Variants in FILIP1L observed in about 807,000 individuals in gnomAD.
FILIP1L encodes filamin A interacting protein 1 like, also known as filamin A-interacting protein 1-like.
FILIP1L carries 55 observed loss-of-function variants against 96.6 expected under a neutral mutation model. The ratio of observed to expected loss-of-function variants is 0.57; its 90% CI spans 0.46 to 0.71. FILIP1L has a LOEUF of 0.71. Ranked by LOEUF, FILIP1L falls within the 30% of genes least tolerant of loss-of-function variation. FILIP1L has a pLI of 0.00. For synonymous variants in FILIP1L, 467 were observed against 473.9 expected, an observed-to-expected ratio of 0.99 and a Z score of 0.19; for missense variants, 1,304 against 1,321.2, an observed-to-expected ratio of 0.99 and a Z score of 0.20.
At position 100,077,117 on chromosome 3, in the gene FILIP1L, C is replaced by T. The variant is rs551771330; in HGVS notation, c.-11+36936G>A. Among the ~76,000 whole-genome samples the T allele has an allele frequency of 2.6e-5, 4 of 152,280 alleles. No homozygotes were observed. The East Asian group carries it at 7.7e-4, about 29-fold the overall frequency. ...ACAGACAGCTGTGTTTTGCATTTAG[C>T]GTCCTTTGAAAGAAGAGTGGATGCT... is the stretch of plus-strand genomic sequence containing the variant. On this transcript the variant is annotated intron_variant, in intron 1 of 5. Transcript: ENST00000477258.
intron 1 of FILIP1L, among the ~76,000 whole-genome samples, chr3:99,952,386 G>A (rs1708203411): frequency 6.6e-6 from 1 of 152,104 alleles, no homozygotes; most frequent in South Asian, 2.1e-4. Context: ...CAGTCATTAT[G>A]TCTGTTCAAG....
chr3:100,018,614 A>G (rs979514646), intron 1 of FILIP1L, among the ~76,000 whole-genome samples: 1 of 151,866 alleles, frequency 6.6e-6, no homozygotes. Flanking sequence ...GTAGAAAACA[A>G]AAAAAAATGC....
At position 100,021,960 on chromosome 3, in the gene FILIP1L, T is replaced by TGTGA. The variant is rs1321185364; in HGVS notation, c.-10-90931_-10-90930insTCAC. Among the ~76,000 whole-genome samples the TGTGA allele has an allele frequency of 3.5e-3, 329 of 93,284 alleles. 1 individual carries two copies. The highest frequency in any genetic ancestry group is 0.011 in the African/African-American group (282 of 24,828). 61.2% of individuals were successfully genotyped at this position (93,284 alleles called of 152,430 possible). A position where few individuals can be genotyped will look rare whatever the true frequency, so the allele number is the denominator to read the frequency against. On this transcript the variant is annotated intron_variant, in intron 1 of 5. Coordinates refer to ENST00000477258, the MANE Select transcript of FILIP1L (RefSeq NM_001387850.1). ...GTGTGTGTGTGTGTGTGTGTGTGTG[T>TGTGA]GAGAGAGAGAGAGAGAGAGAGAGAG...
intron 5 of FILIP1L, among the ~76,000 whole-genome samples, chr3:99,839,619 A>G (rs1301504213): frequency 1.3e-5 from 2 of 152,200 alleles, no homozygotes; most frequent in African/African-American, 2.4e-5. Flanking sequence ...CCAAGGGCAC[A>G]TGAAAAATGG....
At chr3:100,066,742 G>A (rs1245560469) in intron 1 of FILIP1L, among the ~76,000 whole-genome samples, 3 of 94,922 alleles carry the variant, frequency 3.2e-5, no homozygotes, top group African/African-American at 6.9e-5. Context: ...CATTTTAGCC[G>A]GGATGGTCTC....
intron 1 of FILIP1L, among the ~76,000 whole-genome samples, chr3:99,960,460 C>A (rs1708457655): frequency 6.6e-6 from 1 of 152,134 alleles, no homozygotes. Context: ...GGGGAAAAAT[C>A]AAAGATTTTG....
chr3:100,084,813 T>C (rs1015632788), intron 1 of FILIP1L, among the ~76,000 whole-genome samples: 4 of 152,240 alleles, frequency 2.6e-5, no homozygotes, highest in Non-Finnish European at 5.9e-5. Flanking sequence ...AGCTGTAGCT[T>C]CTTTTTCACT....
intron 1 of FILIP1L, among the ~76,000 whole-genome samples, chr3:100,017,150 C>A (rs1183868563): frequency 6.6e-6 from 1 of 152,130 alleles, no homozygotes; most frequent in Non-Finnish European, 1.5e-5. Context: ...CATCAAAAAT[C>A]AGAATTTATA....
chr3:99,972,771 G>A (rs988117370), intron 1 of FILIP1L, among the ~76,000 whole-genome samples: 4 of 152,106 alleles, frequency 2.6e-5, no homozygotes, highest in African/African-American at 9.7e-5. Flanking sequence ...AGATTAACTG[G>A]GTGTTAATGA....
intron 4 of FILIP1L, among the ~76,000 whole-genome samples, chr3:99,871,980 C>G (rs963012246): frequency 6.6e-6 from 1 of 151,868 alleles, no homozygotes; most frequent in Non-Finnish European, 1.5e-5. Context: ...AACTTTGAAC[C>G]TTTCTACTTT....
At chr3:100,100,107 G>A (rs925011789) in intron 1 of FILIP1L, among the ~76,000 whole-genome samples, 7 of 152,156 alleles carry the variant, frequency 4.6e-5, no homozygotes, top group Non-Finnish European at 8.8e-5. Context: ...GAGGTATTTT[G>A]ATAAGAGAAT....
chr3:99,986,278 AC>A (rs1182065191), intron 1 of FILIP1L, among the ~76,000 whole-genome samples: 1 of 152,214 alleles, frequency 6.6e-6, no homozygotes, highest in Non-Finnish European at 1.5e-5. Flanking sequence ...TGTCCCAGGA[AC>A]AGGTGTTTTT....
At chr3:99,987,253 G>A (rs1384402431) in intron 1 of FILIP1L, among the ~76,000 whole-genome samples, 2 of 150,436 alleles carry the variant, frequency 1.3e-5, no homozygotes, top group African/African-American at 4.9e-5. Flanking sequence ...AAAAGGCCAG[G>A]CACAGTGGCT....
chr3:99,887,903 G>A (rs901686665), intron 4 of FILIP1L, among the ~76,000 whole-genome samples: 4 of 151,910 alleles, frequency 2.6e-5, no homozygotes, highest in Non-Finnish European at 4.4e-5. Flanking sequence ...CACCACACCT[G>A]GCTAATTTTT....
intron 1 of FILIP1L, among the ~76,000 whole-genome samples, chr3:100,102,995 C>G (rs981173497): frequency 1.3e-5 from 2 of 152,190 alleles, no homozygotes; most frequent in Non-Finnish European, 2.9e-5. Flanking sequence ...TATGGCACTA[C>G]AGGTGCCAGT....
intron 1 of FILIP1L, among the ~76,000 whole-genome samples, chr3:99,933,620 T>C (rs1295419560): frequency 6.6e-6 from 1 of 152,240 alleles, no homozygotes; most frequent in African/African-American, 2.4e-5. Flanking sequence ...ATCCTTACTC[T>C]GGGCTATAGA....
intron 1 of FILIP1L, among the ~76,000 whole-genome samples, chr3:100,087,480 G>T (rs1412318063): frequency 6.6e-6 from 1 of 152,156 alleles, no homozygotes; most frequent in Non-Finnish European, 1.5e-5. Context: ...TTTCCACAAT[G>T]ACTAATGGTG....
intron 1 of FILIP1L, among the ~76,000 whole-genome samples, chr3:99,962,014 G>A (rs1184321712): frequency 1.3e-5 from 2 of 152,146 alleles, no homozygotes; most frequent in African/African-American, 2.4e-5. Context: ...TTGCTGATTG[G>A]GGGTTAGGGA....
intron 1 of FILIP1L, among the ~76,000 whole-genome samples, chr3:100,035,717 A>G (rs1319875273): frequency 6.6e-6 from 1 of 152,202 alleles, no homozygotes; most frequent in Non-Finnish European, 1.5e-5. Flanking sequence ...TTACCTTTAA[A>G]TTTATTTTAT....
Sources: gnomAD v4.1 joint callset for allele counts (sites outside exome capture counted in the v4.1 genomes callset) on GRCh38, gnomAD v4.1.1 for gene constraint, MANE v1.5 for transcripts, NCBI Gene and HGNC (gene_info 2026-07-23, HGNC 2026-07-21) for gene names.